The following ABCA1 variants were observed in gnomAD, a reference collection of about 807,000 sequenced individuals.
ABCA1 encodes phospholipid-transporting ATPase ABCA1.
In ABCA1, 133 loss-of-function variants were observed where a neutral mutation model predicts 262.5. That is an observed-to-expected ratio of 0.51 (90% CI 0.44 to 0.59). The LOEUF is 0.59. Among genes scored for constraint, ABCA1 ranks in the 20% least tolerant of loss-of-function variants. The pLI is 0.00. For missense variants in ABCA1, 2,452 were observed against 2,777.5 expected (o/e 0.88, Z 2.63); for synonymous variants, 1,022 against 1,043.5 (o/e 0.98, Z 0.40).
At chr9:104,920,062 A>T (rs193232199) in intron 1 of ABCA1, among the ~76,000 whole-genome samples, 4 of 152,360 alleles carry the variant, frequency 2.6e-5, no homozygotes, top group Admixed American at 6.5e-5. Context: ...AGAGGACATA[A>T]GAGCTTGAAG....
Position 104,802,944 on chromosome 9 carries a change from C to G in ABCA1, c.4592+340G>C, listed in dbSNP as rs1419055993. On this transcript the variant is annotated intron_variant, in intron 33 of 49. Coordinates refer to ENST00000374736, the MANE Select transcript of ABCA1 (RefSeq NM_005502.4). ...TGGGGGGAAAGTACAAGTAGGTATT[C>G]CCCTCACAACACTACTTACTTGAAA... Among the ~76,000 whole-genome samples the G allele has an allele frequency of 3.3e-4, 50 of 152,308 alleles. 1 individual carries two copies. Among genetic ancestry groups the G allele is most frequent in the Admixed American group, 3.0e-3 (46 of 15,298 alleles).
intron 2 of ABCA1, among the ~76,000 whole-genome samples, chr9:104,893,251 T>A (rs1259537080): frequency 6.6e-6 from 1 of 151,400 alleles, no homozygotes; most frequent in Non-Finnish European, 1.5e-5. Context: ...TGAAACCCCA[T>A]CTCTACTGAA....
Position 104,889,200 on chromosome 9 carries a change from G to C in ABCA1, c.67-5C>G. 6.2e-7 allele frequency: 1 copy of C among 1,613,852 alleles called. No individual in the cohort carries two copies. Among genetic ancestry groups the C allele is most frequent in the South Asian group, 1.1e-5 (1 of 91,074 alleles). ...CACTTCCAGCAGCAGCTGACACTGAGTGGGAAATAAGATAGAACACTGTAA... is the reference window on the plus strand; with the variant it reads ...CACTTCCAGCAGCAGCTGACACTGACTGGGAAATAAGATAGAACACTGTAA... On this transcript the variant is annotated splice_region_variant and splice_polypyrimidine_tract_variant and intron_variant, in intron 2 of 49. Transcript: ENST00000374736.
chr9:104,892,290 T>C (rs1300589331), intron 2 of ABCA1, among the ~76,000 whole-genome samples: 3 of 151,732 alleles, frequency 2.0e-5, no homozygotes, highest in South Asian at 2.1e-4. Flanking sequence ...AGCCTTTTCT[T>C]TTTTTTTAAT....
In ABCA1 at chr9:104,810,168, AC is replaced by A. The variant is rs1831155669; in HGVS notation, c.4176-605del. 1.1e-3 allele frequency among the ~76,000 whole-genome samples: 130 copies of A among 122,686 alleles called. No homozygotes were observed. The South Asian group carries it at 0.015, about 14-fold the overall frequency. The allele number at this position is 122,686 out of a possible 152,430, so 80.5% of individuals were successfully genotyped here. A position where few individuals can be genotyped will look rare whatever the true frequency, so the allele number is the denominator to read the frequency against. ...TATATATATATATATATATATATAT[AC>A]TTTTTTTTTTTTAAATGCTTCCCTT... On this transcript the variant is annotated intron_variant, in intron 29 of 49. Transcript: ENST00000374736.
rs778602861 is a variant in ABCA1, at chr9:104,832,670, T to C, written c.1413A>G (p.Pro471=). ...AACCATTACTGGACTGGACATCCTC[T>C]GGGTGCTTGGCCAAAAACGCCACGA... The part of the protein sequence containing the change: ...QDIVAFLAKH[P]EDVQSSNGSV... Residue 471 remains proline (P), a synonymous_variant, in exon 12 of 50, where the codon CCA becomes CCG. Coordinates refer to ENST00000374736, the MANE Select transcript of ABCA1 (RefSeq NM_005502.4). The C allele has an allele frequency of 1.2e-6, 2 of 1,614,078 alleles. No individual in the cohort carries two copies. The highest frequency in any genetic ancestry group is 8.5e-7 in the Non-Finnish European group (1 of 1,180,048).
At chr9:104,860,783 GTCTCACTCTGTCAGCCAGGC>G (rs1287658516) in intron 6 of ABCA1, among the ~76,000 whole-genome samples, 1 of 140,382 alleles carries the variant, frequency 7.1e-6, no homozygotes, top group East Asian at 2.0e-4. Context: ...TTGAGATGGA[GTCTCACTCTGTCAGCCAGGC>G]TGGAGTGCAA....
chr9:104,819,685 C>T lies in ABCA1; in HGVS notation c.3142G>A (p.Val1048Ile), dbSNP rs775012738. 3.7e-6 allele frequency: 6 copies of T among 1,614,210 alleles called. No individual in the cohort carries two copies. The South Asian group carries it at 5.5e-5, about 15-fold the overall frequency. ...QRKLSVALAF[V>I]GGSKVVILDE... ...AGAATGACAACCTTAGATCCCCCGA[C>T]AAAGGCCAAGGCCACAGATAGCTTT... Residue 1048 changes from valine to isoleucine, a missense_variant, in exon 22 of 50, where the codon GTC becomes ATC. By Grantham distance (29) the Val-to-Ile change is conservative. Transcript: ENST00000374736.
rs1247142659 is a variant in ABCA1 at position 104,821,383 on chromosome 9, C to G, written c.2952G>C (p.Leu984=). Residue 984 remains leucine, a synonymous_variant, in exon 20 of 50, where the codon CTG becomes CTC. Coordinates refer to ENST00000374736, the MANE Select transcript of ABCA1 (RefSeq NM_005502.4). ...NLGVCPQHNV[L]FDMLTVEEHI... ...GTGCTGCTGGTACTCACATGTCAAACAGCACGTTATGCTGGGGACAGACCC... is the reference window on the plus strand; with the variant it reads ...GTGCTGCTGGTACTCACATGTCAAAGAGCACGTTATGCTGGGGACAGACCC... The G allele has an allele frequency of 1.9e-6, 3 of 1,614,174 alleles. No individual in the cohort carries two copies. The South Asian group carries it at 3.3e-5, about 18-fold the overall frequency.
intron 23 of ABCA1, 74 bp downstream of exon 23, chr9:104,818,589 G>T: frequency 7.1e-7 from 1 of 1,406,116 alleles, no homozygotes; most frequent in Non-Finnish European, 1.0e-6. Flanking sequence ...GGTGGAGATG[G>T]AGAAATCATT....
chr9:104,859,918 G>T (rs933929310), intron 6 of ABCA1, among the ~76,000 whole-genome samples: 1 of 152,056 alleles, frequency 6.6e-6, no homozygotes, highest in Non-Finnish European at 1.5e-5. Context: ...AGCCAGGTGT[G>T]GTGGTGCATG....
chr9:104,821,045 C>G (rs1299007991), intron 20 of ABCA1, among the ~76,000 whole-genome samples: 1 of 152,152 alleles, frequency 6.6e-6, no homozygotes, highest in African/African-American at 2.4e-5. Flanking sequence ...GACATTGAGA[C>G]CATCCTGGCC....
chr9:104,898,199 A>G (rs1245550360), intron 2 of ABCA1, among the ~76,000 whole-genome samples: 1 of 152,144 alleles, frequency 6.6e-6, no homozygotes, highest in Non-Finnish European at 1.5e-5. Context: ...CCTCTATCCC[A>G]AGAGTCACCA....
chr9:104,887,299 A>G (rs1397245285), intron 3 of ABCA1, among the ~76,000 whole-genome samples: 1 of 151,622 alleles, frequency 6.6e-6, no homozygotes, highest in Non-Finnish European at 1.5e-5. Context: ...AAAGAAGTGC[A>G]TAGATGTAAG....
intron 11 of ABCA1, among the ~76,000 whole-genome samples, chr9:104,833,897 G>A (rs1833568668): frequency 6.6e-6 from 1 of 151,014 alleles, no homozygotes; most frequent in Non-Finnish European, 1.5e-5. Context: ...GAGGGGCCGA[G>A]GCAGAGGCCT....
chr9:104,832,866 T>TG lies in ABCA1; in HGVS notation c.1312-96dup, dbSNP rs369078469. 4.0e-4 allele frequency: 460 copies of TG among 1,158,980 alleles called. 1 individual carries two copies. The African/African-American group carries it at 6.1e-3, about 15-fold the overall frequency. 71.8% of individuals were successfully genotyped at this position (1,158,980 alleles called of 1,614,324 possible). A position where few individuals can be genotyped will look rare whatever the true frequency, so the allele number is the denominator to read the frequency against. On this transcript the variant is annotated intron_variant, in intron 11 of 49. Transcript: ENST00000374736. Reference sequence around the variant, plus strand: ...AAAATACTTGCATATACACTGTCGTTGTTTTATCCTCACAGAAAACTGAGG... The same window carrying TG: ...AAAATACTTGCATATACACTGTCGTTGGTTTTATCCTCACAGAAAACTGAGG...
At chr9:104,806,506 A>G (rs888146992) in intron 30 of ABCA1, 76 bp from the exon 31 acceptor site, 1 of 1,424,464 alleles carries the variant, frequency 7.0e-7, no homozygotes, top group Non-Finnish European at 9.8e-7. Context: ...GCACAGGATC[A>G]TTCCGTAACA....
intron 2 of ABCA1, among the ~76,000 whole-genome samples, chr9:104,899,376 C>T (rs1343906434): frequency 6.6e-6 from 1 of 152,130 alleles, no homozygotes; most frequent in Non-Finnish European, 1.5e-5. Context: ...ATAGTTCATT[C>T]TTTTTCATTA....
intron 9 of ABCA1, 114 bp downstream of exon 9, chr9:104,840,165 A>G (rs1834237010): frequency 2.6e-6 from 4 of 1,565,752 alleles, no homozygotes; most frequent in African/African-American, 1.4e-5. Context: ...TGGTGGGCAA[A>G]TGGGCATGTA....
Sources: allele counts gnomAD v4.1 joint callset (sites outside exome capture counted in the v4.1 genomes callset), GRCh38; gene constraint gnomAD v4.1.1; transcripts MANE v1.5; gene names NCBI Gene and HGNC (gene_info 2026-07-23, HGNC 2026-07-21).